SHROOM2: variants seen among roughly 807,000 people sequenced by gnomAD.
SHROOM2 encodes shroom family member 2, also known as protein Shroom2.
In SHROOM2, 33 loss-of-function variants were observed where a neutral mutation model predicts 75.9. That is an observed-to-expected ratio of 0.43 (90% CI 0.33 to 0.58). The LOEUF (loss-of-function observed/expected upper bound fraction) is 0.58, where lower values mean the gene tolerates loss of function less well. Ranked by LOEUF, SHROOM2 falls within the 20% of genes least tolerant of loss-of-function variation. SHROOM2 has a pLI of 0.04. For missense variants in SHROOM2, 1,434 were observed against 1,461.2 expected, an observed-to-expected ratio of 0.98 and a Z score of 0.30; for synonymous variants, 655 against 663.6, an observed-to-expected ratio of 0.99 and a Z score of 0.20.
At position 9,845,171 on chromosome X, in the gene SHROOM2, G is replaced by C. The variant is rs900132912; in HGVS notation, c.166-28481G>C. Among the ~76,000 whole-genome samples, 3 of 112,214 alleles carry C rather than the reference G, an allele frequency of 2.7e-5. No individual in the cohort carries two copies. In the East Asian group the frequency reaches 8.4e-4, roughly 31 times the overall value. ...CCTTTATTCACCAAGCAGGTGGCAG[G>C]CCAGGTTTGGCCCAAAGGCTGTAGT... is the stretch of plus-strand genomic sequence containing the variant. On this transcript the variant is annotated intron_variant, in intron 1 of 9. Transcript: ENST00000380913.
intron 5 of SHROOM2, among the ~76,000 whole-genome samples, chrX:9,906,998 G>A (rs1307916676): frequency 9.0e-6 from 1 of 110,953 alleles, no homozygotes; most frequent in African/African-American, 3.3e-5. Context: ...CTGCTAAGAG[G>A]ACTCTGGCTA....
intron 1 of SHROOM2, among the ~76,000 whole-genome samples, chrX:9,870,855 C>T (rs1415364384): frequency 8.9e-6 from 1 of 112,234 alleles, no homozygotes; most frequent in Non-Finnish European, 1.9e-5. Context: ...TTTGTATATT[C>T]GTGACTATAA....
At chrX:9,844,803 G>A (rs988289550) in intron 1 of SHROOM2, among the ~76,000 whole-genome samples, 4 of 110,727 alleles carry the variant, frequency 3.6e-5, no homozygotes, top group African/African-American at 6.6e-5. Context: ...CAACAAGAGC[G>A]AAACTCCATC....
chrX:9,857,520 G>C (rs901907279), intron 1 of SHROOM2, among the ~76,000 whole-genome samples: 10 of 109,411 alleles, frequency 9.1e-5, no homozygotes, highest in African/African-American at 3.3e-4. Flanking sequence ...CAGAGTAGCT[G>C]GAACTACAGG....
At chrX:9,858,084 C>A (rs564004687) in intron 1 of SHROOM2, among the ~76,000 whole-genome samples, 10 of 111,888 alleles carry the variant, frequency 8.9e-5, no homozygotes, top group African/African-American at 2.9e-4. Context: ...AAAGGCATCC[C>A]TGAAGAGAGT....
intron 1 of SHROOM2, 142 bp from the exon 2 acceptor site, chrX:9,873,510 T>C (rs1164768343): frequency 4.9e-6 from 3 of 618,369 alleles, no homozygotes; most frequent in African/African-American, 2.2e-5. Flanking sequence ...AGTGCATCCC[T>C]GATCCCCTGA....
chrX:9,941,835 G>A (rs527650451), intron 8 of SHROOM2, among the ~76,000 whole-genome samples: 8 of 108,609 alleles, frequency 7.4e-5, no homozygotes, highest in Non-Finnish European at 1.3e-4. Flanking sequence ...GCCAGGCGTG[G>A]TGGCGGGCGC....
chrX:9,818,852 T>C (rs752036289), intron 1 of SHROOM2: 57 of 512,290 alleles, frequency 1.1e-4, no homozygotes, highest in Admixed American at 2.0e-4. Flanking sequence ...ATCAGAACTT[T>C]TGCATGATCA....
At chrX:9,909,596 G>C (rs1476842218) in intron 5 of SHROOM2, among the ~76,000 whole-genome samples, 3 of 112,124 alleles carry the variant, frequency 2.7e-5, no homozygotes, top group Non-Finnish European at 5.6e-5. Flanking sequence ...CATGCCCCTT[G>C]ATATCATAGG....
chrX:9,843,954 T>C (rs1196360367), intron 1 of SHROOM2, among the ~76,000 whole-genome samples: 2 of 112,849 alleles, frequency 1.8e-5, no homozygotes, highest in African/African-American at 6.4e-5. Flanking sequence ...TTCTAACTTT[T>C]CTTAACTGTA....
In SHROOM2 at chrX:9,894,326, A is replaced by G. The variant is rs778220905; in HGVS notation, c.450-32A>G. The G allele has an allele frequency of 2.5e-6, 3 of 1,185,564 alleles. No homozygotes were observed. In the Admixed American group the frequency reaches 6.9e-5, roughly 27 times the overall value. On this transcript the variant is annotated intron_variant, in intron 3 of 9. Coordinates refer to ENST00000380913, the MANE Select transcript of SHROOM2 (RefSeq NM_001649.4). ...TTTGCCATTGCTGTTGCTAAAGCAC[A>G]CCATGCCTTGTCCTTCTTCTCATTC...
chrX:9,893,004 TC>T (rs2084302656), intron 3 of SHROOM2, among the ~76,000 whole-genome samples: 1 of 112,726 alleles, frequency 8.9e-6, no homozygotes, highest in South Asian at 3.7e-4. Context: ...TTAGACACCA[TC>T]CTGTTTAGGA....
At chrX:9,920,857 T>G (rs1195224601) in intron 5 of SHROOM2, among the ~76,000 whole-genome samples, 1 of 112,555 alleles carries the variant, frequency 8.9e-6, no homozygotes, top group Non-Finnish European at 1.9e-5. Context: ...TTGATCATTA[T>G]AGCATAAAGA....
intron 5 of SHROOM2, chrX:9,912,609 A>G (rs904690957): frequency 9.1e-6 from 1 of 110,075 alleles, no homozygotes; most frequent in African/African-American, 3.3e-5. Context: ...CGGGTAAGGG[A>G]CCTCTGCGTT....
At position 9,820,173 on chromosome X, in the gene SHROOM2, A is replaced by ATTT. The variant is rs55695074; in HGVS notation, c.165+33475_165+33477dup. ...GCCTCAAGATTTATTTTATTGCAGT[A>ATTT]TTTTTTTTTTTTTTGTAAATATGAA... On this transcript the variant is annotated intron_variant, in intron 1 of 9. Coordinates refer to ENST00000380913, the MANE Select transcript of SHROOM2 (RefSeq NM_001649.4). Among the ~76,000 whole-genome samples, 6 of 88,577 alleles carry ATTT rather than the reference A, an allele frequency of 6.8e-5. No individual in the cohort carries two copies. In the East Asian group the frequency reaches 1.1e-3, roughly 16 times the overall value. 76.9% of individuals were successfully genotyped at this position (88,577 alleles called of 115,157 possible).
At chrX:9,891,220 A>G in intron 3 of SHROOM2, 112 bp downstream of exon 3, 1 of 927,993 alleles carries the variant, frequency 1.1e-6, no homozygotes, top group Non-Finnish European at 1.4e-6. Flanking sequence ...CCACCGACAC[A>G]TAATCACAGT....
intron 5 of SHROOM2, among the ~76,000 whole-genome samples, chrX:9,928,337 T>C (rs187783451): frequency 4.4e-5 from 5 of 112,535 alleles, no homozygotes; most frequent in Non-Finnish European, 9.4e-5. Flanking sequence ...TGAATATCAA[T>C]TGGATCCTAG....
chrX:9,881,272 C>T (rs1203939820), intron 2 of SHROOM2, among the ~76,000 whole-genome samples: 1 of 111,689 alleles, frequency 9.0e-6, no homozygotes, highest in Non-Finnish European at 1.9e-5. Flanking sequence ...CATTGGTCTG[C>T]AGTTATAGTA....
At chrX:9,933,926 C>T (rs902900980) in intron 6 of SHROOM2, among the ~76,000 whole-genome samples, 4 of 111,808 alleles carry the variant, frequency 3.6e-5, no homozygotes, top group Non-Finnish European at 7.5e-5. Flanking sequence ...TGATTTTGGC[C>T]CCCAGGGGAC....
Sources: gnomAD v4.1 joint callset for allele counts (sites outside exome capture counted in the v4.1 genomes callset) on GRCh38, gnomAD v4.1.1 for gene constraint, MANE v1.5 for transcripts, NCBI Gene and HGNC (gene_info 2026-07-23, HGNC 2026-07-21) for gene names.